The following GLIS3 variants were observed in gnomAD, a reference collection of about 807,000 sequenced individuals.
GLIS3 encodes the protein GLIS family zinc finger 3.
GLIS3 carries 53 observed loss-of-function variants against 78.6 expected under a neutral mutation model. The ratio of observed to expected loss-of-function variants is 0.67; its 90% confidence interval spans 0.54 to 0.85. The LOEUF is 0.85. Ranked by LOEUF, GLIS3 falls within the 40% of genes least tolerant of loss-of-function variation. The pLI is 0.00. For synonymous variants in GLIS3, 684 were observed against 509.9 expected, an observed-to-expected ratio of 1.34 and a Z score of -4.60; for missense variants, 1,703 against 1,231.1, an observed-to-expected ratio of 1.38 and a Z score of -5.74.
intron 9 of GLIS3, among the ~76,000 whole-genome samples, chr9:3,831,306 G>T (rs1239650477): frequency 2.0e-5 from 3 of 152,078 alleles, no homozygotes; most frequent in Non-Finnish European, 2.9e-5. Context: ...CAATAGACAG[G>T]CAGGCAAAGA....
chr9:3,969,489 G>A (rs569277929), intron 4 of GLIS3, among the ~76,000 whole-genome samples: 1 of 152,282 alleles, frequency 6.6e-6, no homozygotes, highest in South Asian at 2.1e-4. Context: ...ATAGCCACTT[G>A]GTGACTTGAT....
chr9:4,190,637 A>G lies in GLIS3; in HGVS notation c.389-64696T>C, dbSNP rs547403859. Among the ~76,000 whole-genome samples, 35 of 152,020 alleles carry G rather than the reference A, an allele frequency of 2.3e-4. 2 individuals are homozygous for G. The East Asian group carries it at 5.4e-3, about 24-fold the overall frequency. On this transcript the variant is annotated intron_variant, in intron 2 of 10. Transcript: ENST00000381971. ...GATATTATCCAGGAGAACTTCCCCA[A>G]TCTAGCAAGGCAGGCCAACATTCAG...
At chr9:4,182,221 C>A (rs568658846) in intron 2 of GLIS3, among the ~76,000 whole-genome samples, 54 of 152,220 alleles carry the variant, frequency 3.5e-4, no homozygotes, top group African/African-American at 1.2e-3. Flanking sequence ...GTTCTGTAGA[C>A]AAATAGTTTA....
At chr9:4,059,831 A>T (rs10974309) in intron 4 of GLIS3, among the ~76,000 whole-genome samples, 8,416 of 48,154 alleles carry the variant, frequency 0.17, 205 homozygotes, top group South Asian at 0.35. Flanking sequence ...TGTGTGTGTG[A>T]GAGAGAGAGA....
chr9:4,338,382 AC>A (rs1817785674), intron 2 of GLIS3, among the ~76,000 whole-genome samples: 1 of 124,448 alleles, frequency 8.0e-6, no homozygotes, highest in African/African-American at 3.2e-5. Flanking sequence ...ACACACACAC[AC>A]ACACATACAC....
chr9:3,882,528 G>C (rs59305589), intron 7 of GLIS3, among the ~76,000 whole-genome samples: 4 of 152,170 alleles, frequency 2.6e-5, no homozygotes, highest in African/African-American at 9.7e-5. Context: ...TGGTGAAGGG[G>C]ATGCTAGGTG....
At chr9:4,382,918 C>T in the GLIS3 span, among the ~76,000 whole-genome samples, 3 of 152,114 alleles carry the variant, frequency 2.0e-5, no homozygotes, top group African/African-American at 7.2e-5. Context: ...TATTTCTGGC[C>T]CAGGGAAGGG....
At chr9:4,114,808 A>G (rs1266531374) in intron 4 of GLIS3, among the ~76,000 whole-genome samples, 2 of 93,674 alleles carry the variant, frequency 2.1e-5, no homozygotes, top group African/African-American at 8.1e-5. Flanking sequence ...CACAGAAGCA[A>G]TAAGAAAGAG....
intron 8 of GLIS3, among the ~76,000 whole-genome samples, chr9:3,864,673 C>G (rs1820455393): frequency 6.6e-6 from 1 of 152,154 alleles, no homozygotes. Context: ...TTTCTTCCCT[C>G]ATATTGAATG....
chr9:4,342,743 T>G (rs1309015518), intron 2 of GLIS3, among the ~76,000 whole-genome samples: 2 of 152,248 alleles, frequency 1.3e-5, no homozygotes, highest in Admixed American at 6.5e-5. Flanking sequence ...GGCATGTTTT[T>G]GCATTTGTTT....
chr9:4,369,105 T>G, the GLIS3 span, among the ~76,000 whole-genome samples: 1 of 152,156 alleles, frequency 6.6e-6, no homozygotes, highest in Non-Finnish European at 1.5e-5. Flanking sequence ...ATTATGTATC[T>G]CTTTGAAAAT....
Position 4,117,847 on chromosome 9 carries a change from C to T in GLIS3, c.1631G>A (p.Arg544Lys). ...ATAGCGGGCGTTGAAGGGCTTGTAT[C>T]TTCGAGGGCAACCGGCCCAGAAGCA... is the stretch of plus-strand genomic sequence containing the variant. The part of the protein sequence containing the change: ...FTCFWAGCPR[R>K]YKPFNARYKL... The change falls in exon 4 of 11, where the codon AGA becomes AAA. Residue 544 changes from arginine (R) to lysine (K), a missense_variant. Physicochemically the swap from Arg to Lys is conservative, Grantham distance 26 (BLOSUM62 2). Coordinates refer to ENST00000381971, the MANE Select transcript of GLIS3 (RefSeq NM_001042413.2). 1 of 1,614,192 alleles carries T rather than the reference C, an allele frequency of 6.2e-7. No individual in the cohort carries two copies. The highest frequency in any genetic ancestry group is 8.5e-7 in the Non-Finnish European group (1 of 1,180,044).
At chr9:4,315,994 T>C (rs1259364115) in intron 2 of GLIS3, among the ~76,000 whole-genome samples, 1 of 152,202 alleles carries the variant, frequency 6.6e-6, no homozygotes, top group East Asian at 1.9e-4. Context: ...GGATATTACA[T>C]ATTGTATTTT....
At chr9:4,412,750 G>A in the GLIS3 span, among the ~76,000 whole-genome samples, 1 of 152,036 alleles carries the variant, frequency 6.6e-6, no homozygotes, top group Non-Finnish European at 1.5e-5. Context: ...GTTAAATTTA[G>A]CCATAAGACT....
intron 2 of GLIS3, among the ~76,000 whole-genome samples, chr9:4,271,075 A>G (rs1826468032): frequency 6.6e-6 from 1 of 152,160 alleles, no homozygotes; most frequent in African/African-American, 2.4e-5. Flanking sequence ...CAATGTGAAG[A>G]CAATGAGAAT....
intron 2 of GLIS3, among the ~76,000 whole-genome samples, chr9:4,325,927 T>C (rs549341459): frequency 1.3e-5 from 2 of 152,286 alleles, no homozygotes; most frequent in African/African-American, 4.8e-5. Context: ...TGGAAGCCAT[T>C]ATCCTCAGCA....
At chr9:4,431,917 A>C in the GLIS3 span, among the ~76,000 whole-genome samples, 2 of 151,966 alleles carry the variant, frequency 1.3e-5, no homozygotes, top group Non-Finnish European at 1.5e-5. Flanking sequence ...TGTCACAACT[A>C]TTTAACTCTG....
intron 7 of GLIS3, among the ~76,000 whole-genome samples, chr9:3,896,455 A>C (rs1822836568): frequency 6.6e-6 from 1 of 151,966 alleles, no homozygotes; most frequent in African/African-American, 2.4e-5. Context: ...ACCTGAGGTC[A>C]GGAGTTTGAG....
At chr9:4,036,560 AAC>A (rs1403501259) in intron 4 of GLIS3, among the ~76,000 whole-genome samples, 1 of 152,160 alleles carries the variant, frequency 6.6e-6, no homozygotes, top group Non-Finnish European at 1.5e-5. Context: ...CAAACCAGAA[AAC>A]AGTTTTCTCC....
Sources: allele counts gnomAD v4.1 joint callset (sites outside exome capture counted in the v4.1 genomes callset), GRCh38; gene constraint gnomAD v4.1.1; transcripts MANE v1.5; gene names NCBI Gene and HGNC (gene_info 2026-07-23, HGNC 2026-07-21).